Variants in MFN2 observed in about 807,000 individuals in gnomAD.
MFN2 encodes mitofusin 2, also known as mitofusin-2.
Under a neutral mutation model 87.5 loss-of-function variants are expected in MFN2, and 43 were observed. The ratio of observed to expected loss-of-function variants is 0.49; its 90% CI spans 0.38 to 0.63. The LOEUF (loss-of-function observed/expected upper bound fraction) is 0.63, where lower values mean the gene tolerates loss of function less well. MFN2 is among the 30% of genes least tolerant of loss of function. The probability of loss-of-function intolerance (pLI) is 0.00; values close to 1 mark genes in which losing one functional copy is unlikely to be tolerated. For synonymous variants in MFN2, 337 were observed against 359.9 expected, an observed-to-expected ratio of 0.94 and a Z score of 0.72; for missense variants, 743 against 972.8, an observed-to-expected ratio of 0.76 and a Z score of 3.14.
At chr1:11,989,385 T>G in intron 3 of MFN2, 42 bp downstream of exon 3, 5 of 1,604,326 alleles carry the variant, frequency 3.1e-6, no homozygotes, top group Non-Finnish European at 4.3e-6. Context: ...CTTACCTGTT[T>G]AGATATTTAG....
At chr1:12,006,747 C>T in intron 16 of MFN2, 54 bp downstream of exon 16, 1 of 1,609,104 alleles carries the variant, frequency 6.2e-7, no homozygotes, top group Non-Finnish European at 8.5e-7. Flanking sequence ...GTGGGCGGGG[C>T]CTGAGGGCTA....
rs1320255053 is a variant in MFN2, at chr1:11,985,982, G to C, written c.-4-3183G>C. ...CCTGGACATATGGCTTCCATGCTGA[G>C]AAAACATCTCTCATAGCTGTGGCGT... On this transcript the variant is annotated intron_variant, in intron 2 of 18. Coordinates refer to ENST00000235329, the MANE Select transcript of MFN2 (RefSeq NM_014874.4). Among the ~76,000 whole-genome samples the C allele has an allele frequency of 2.6e-5, 4 of 152,192 alleles. 1 individual carries two copies. The highest frequency in any genetic ancestry group is 9.7e-5 in the African/African-American group (4 of 41,432).
rs1428993254 is a variant in MFN2 at position 12,013,444 on chromosome 1, C to T, written c.*1879C>T. On this transcript the variant is annotated 3_prime_UTR_variant, in exon 19 of 19. Coordinates refer to ENST00000235329, the MANE Select transcript of MFN2 (RefSeq NM_014874.4). ...TGATGTATTTAAGGTGATGTATTTG[C>T]TTGAGTTACTCCTGTATCATTGCTC... is the stretch of plus-strand genomic sequence containing the variant. The T allele has an allele frequency of 6.5e-6, 3 of 458,996 alleles. No individual in the cohort carries two copies. The highest frequency in any genetic ancestry group is 4.0e-5 in the African/African-American group (2 of 49,578). 28.4% of individuals were successfully genotyped at this position (458,996 alleles called of 1,614,324 possible). A position where few individuals can be genotyped will look rare whatever the true frequency, so the allele number is the denominator to read the frequency against.
At position 12,013,126 on chromosome 1, in the gene MFN2, G is replaced by A. The variant is rs1639758213; in HGVS notation, c.*1561G>A. On this transcript the variant is annotated 3_prime_UTR_variant, in exon 19 of 19. Transcript: ENST00000235329. ...GGCGTGTGCCGGGCCTGAATGGACA[G>A]GGGCCACTTCACAGCATGTCAGGGA... 5.7e-5 allele frequency: 20 copies of A among 349,038 alleles called. No homozygotes were observed. Among genetic ancestry groups the A allele is most frequent in the South Asian group, 4.2e-4 (19 of 45,538 alleles). The allele number at this position is 349,038 out of a possible 1,614,324, so 21.6% of individuals were successfully genotyped here. A position where few individuals can be genotyped will look rare whatever the true frequency, so the allele number is the denominator to read the frequency against.
At chr1:11,981,117 T>C (rs2100779424) in intron 1 of MFN2, among the ~76,000 whole-genome samples, 1 of 152,304 alleles carries the variant, frequency 6.6e-6, no homozygotes. Context: ...AGGGCTCTGG[T>C]TATCTCTTTT....
At chr1:11,995,272 A>C (rs1270867020) in intron 4 of MFN2, among the ~76,000 whole-genome samples, 6 of 151,982 alleles carry the variant, frequency 3.9e-5, no homozygotes, top group African/African-American at 7.3e-5. Context: ...CATATCAAAA[A>C]AAACAAACAA....
Position 11,998,158 on chromosome 1 carries a change from G to A in MFN2, c.600-612G>A, listed in dbSNP as rs147062413. On this transcript the variant is annotated intron_variant, in intron 6 of 18. Transcript: ENST00000235329. Reference sequence around the variant, plus strand: ...TAGCCTCCCAAAGTGCTGGGATTACGGGCATGAGCCACTGTGCCCCGCCTG... The same window carrying A: ...TAGCCTCCCAAAGTGCTGGGATTACAGGCATGAGCCACTGTGCCCCGCCTG... 2.4e-3 allele frequency among the ~76,000 whole-genome samples: 366 copies of A among 151,516 alleles called. 3 individuals carry two copies. Among genetic ancestry groups the A allele is most frequent in the South Asian group, 0.013 (60 of 4,786 alleles).
At chr1:11,984,101 C>T (rs956951584) in intron 2 of MFN2, among the ~76,000 whole-genome samples, 2 of 152,212 alleles carry the variant, frequency 1.3e-5, no homozygotes, top group South Asian at 2.1e-4. Context: ...CTGGTGTACA[C>T]GCTGTCGAGT....
rs917620952 is a variant in MFN2 at position 12,013,214 on chromosome 1, C to T, written c.*1649C>T. On this transcript the variant is annotated 3_prime_UTR_variant, in exon 19 of 19. Transcript: ENST00000235329. ...TTTTTGAAAAAAAAAAATTCTTTAG[C>T]GTAAACATGAATTTTTTTTCAATGT... 16 of 341,738 alleles carry T rather than the reference C, an allele frequency of 4.7e-5. No homozygotes were observed. The highest frequency in any genetic ancestry group is 2.0e-4 in the East Asian group (2 of 10,238). The allele number at this position is 341,738 out of a possible 1,614,324, so 21.2% of individuals were successfully genotyped here.
intron 11 of MFN2, 37 bp downstream of exon 11, chr1:12,002,140 GCCGAGACAAGGGTGCTCCAC>G (rs1639206552): frequency 6.2e-7 from 1 of 1,613,028 alleles, no homozygotes; most frequent in Non-Finnish European, 8.5e-7. Flanking sequence ...GGAGAGAGCT[GCCGAGACAAGGGTGCTCCAC>G]CCCTGCCTTG....
chr1:11,989,481 AT>A, intron 3 of MFN2, 138 bp downstream of exon 3: 1 of 996,796 alleles, frequency 1.0e-6, no homozygotes, highest in Non-Finnish European at 1.4e-6. Flanking sequence ...TGCTCTTGAA[AT>A]CATGTGGAAT....
At chr1:11,989,979 T>G (rs1638604385) in intron 3 of MFN2, among the ~76,000 whole-genome samples, 1 of 152,210 alleles carries the variant, frequency 6.6e-6, no homozygotes, top group Non-Finnish European at 1.5e-5. Flanking sequence ...AGAAGGACAC[T>G]TTGGCGCCAG....
chr1:12,008,607 C>A (rs185654407), intron 17 of MFN2, among the ~76,000 whole-genome samples: 3 of 149,916 alleles, frequency 2.0e-5, no homozygotes, highest in Non-Finnish European at 4.4e-5. Context: ...ACCTCCTAGA[C>A]GGGGTTGTGG....
intron 16 of MFN2, 103 bp from the exon 17 acceptor site, chr1:12,006,950 G>A: frequency 6.9e-7 from 1 of 1,451,526 alleles, no homozygotes; most frequent in East Asian, 2.3e-5. Context: ...GAAACATGAA[G>A]GCTCCTTGGC....
At chr1:11,999,268 A>G (rs1026621460) in intron 8 of MFN2, among the ~76,000 whole-genome samples, 173 bp downstream of exon 8, 4 of 151,870 alleles carry the variant, frequency 2.6e-5, no homozygotes, top group African/African-American at 9.7e-5. Flanking sequence ...CCCCTCTCCC[A>G]TCCACTTTGC....
At chr1:12,009,752 G>A in intron 18 of MFN2, 26 bp downstream of exon 18, 1 of 1,614,036 alleles carries the variant, frequency 6.2e-7, no homozygotes, top group African/African-American at 1.3e-5. Flanking sequence ...GTGGCCAAAG[G>A]TTAGGGCTCC....
At chr1:11,986,654 G>A (rs1331504647) in intron 2 of MFN2, among the ~76,000 whole-genome samples, 1 of 150,146 alleles carries the variant, frequency 6.7e-6, no homozygotes, top group African/African-American at 2.5e-5. Flanking sequence ...GCAATGGCGC[G>A]ATCTTAGCTC....
chr1:11,999,159 G>C, intron 8 of MFN2, 64 bp downstream of exon 8: 1 of 1,288,772 alleles, frequency 7.8e-7, no homozygotes, highest in South Asian at 1.2e-5. Flanking sequence ...TGCCACTGGG[G>C]CCACTTCCTG....
At chr1:11,980,700 G>A (rs939734746) in intron 1 of MFN2, among the ~76,000 whole-genome samples, 13 of 152,210 alleles carry the variant, frequency 8.5e-5, no homozygotes, top group Non-Finnish European at 1.5e-5. Context: ...GGGGTCCCCT[G>A]TAGCTTCTCA....
Sources: allele counts gnomAD v4.1 joint callset (sites outside exome capture counted in the v4.1 genomes callset), GRCh38; gene constraint gnomAD v4.1.1; transcripts MANE v1.5; gene names NCBI Gene and HGNC (gene_info 2026-07-23, HGNC 2026-07-21).